Variants in SPNS3 observed in about 807,000 individuals in gnomAD.
The protein encoded by SPNS3 is SPNS lysolipid transporter 3, sphingosine-1-phosphate (putative).
SPNS3 carries 51 observed loss-of-function variants against 54.4 expected under a neutral mutation model. That is an observed-to-expected ratio of 0.94 (90% CI 0.75 to 1.18). The LOEUF (loss-of-function observed/expected upper bound fraction) is 1.18, where lower values mean the gene tolerates loss of function less well. Among genes scored for constraint, SPNS3 ranks in the 50% most tolerant of loss-of-function variants. The pLI, the probability that SPNS3 is intolerant of heterozygous loss-of-function variation, is 0.00. For synonymous variants in SPNS3, 309 were observed against 294.7 expected (o/e 1.05, Z -0.50); for missense variants, 669 against 677.4 (o/e 0.99, Z 0.14).
chr17:4,437,590 C>T (rs975100339), intron 1 of SPNS3, among the ~76,000 whole-genome samples: 5 of 151,680 alleles, frequency 3.3e-5, no homozygotes, highest in Non-Finnish European at 7.4e-5. Flanking sequence ...TTGCCTGAAC[C>T]CAGGAGGCAG....
chr17:4,455,665 C>T (rs115270042), intron 8 of SPNS3, among the ~76,000 whole-genome samples: 1 of 152,064 alleles, frequency 6.6e-6, no homozygotes, highest in African/African-American at 2.4e-5. Flanking sequence ...GAGGCCTCCC[C>T]CACTGCCGCC....
At chr17:4,443,876 G>A (rs1359101639) in intron 2 of SPNS3, among the ~76,000 whole-genome samples, 4 of 152,246 alleles carry the variant, frequency 2.6e-5, no homozygotes, top group South Asian at 2.1e-4. Context: ...CGAGGTGGGC[G>A]GATCCCTTGA....
rs753896781 is a variant in SPNS3 at position 4,433,980 on chromosome 17, A to T, written c.13A>T (p.Met5Leu). ...GCTGCAGGCTGGCATGGCTGGGGGGATGTCAGCGGAGTGCCCTGAGCCTGG... is the reference window on the plus strand; with the variant it reads ...GCTGCAGGCTGGCATGGCTGGGGGGTTGTCAGCGGAGTGCCCTGAGCCTGG... MAGG[M>L]SAECPEPGPG... is the part of the protein sequence containing the mutation. The change falls in exon 1 of 12, where the codon ATG becomes TTG. Residue 5 changes from methionine (M) to leucine (L), a missense_variant. Physicochemically the swap from Met to Leu is conservative, Grantham distance 15. Transcript: ENST00000355530. The T allele has an allele frequency of 6.5e-6, 10 of 1,538,256 alleles. No homozygotes were observed.
At chr17:4,484,464 G>A (rs1212757165) in intron 9 of SPNS3, among the ~76,000 whole-genome samples, 3 of 152,098 alleles carry the variant, frequency 2.0e-5, no homozygotes, top group Non-Finnish European at 4.4e-5. Context: ...GGGATTATAG[G>A]CACGCGCCAC....
At chr17:4,480,819 A>G (rs1008630763) in intron 9 of SPNS3, among the ~76,000 whole-genome samples, 5 of 80,016 alleles carry the variant, frequency 6.2e-5, no homozygotes, top group South Asian at 4.6e-4. Context: ...TCCAGCCACA[A>G]TGCTTTGCAC....
At chr17:4,455,367 G>T (rs554316671) in intron 8 of SPNS3, among the ~76,000 whole-genome samples, 9 of 152,306 alleles carry the variant, frequency 5.9e-5, no homozygotes, top group Non-Finnish European at 1.0e-4. Context: ...AGCAGGCAAG[G>T]AAGGATGACT....
In SPNS3 at chr17:4,446,150, C is replaced by T. The variant is rs779176728; in HGVS notation, c.505C>T (p.Gln169Ter). Residue 169 changes from glutamine to a stop codon, truncating the protein, a stop_gained, in exon 4 of 12, where the codon CAG (glutamine) becomes TAG (stop). Coordinates refer to ENST00000355530, the MANE Select transcript of SPNS3 (RefSeq NM_182538.5). LOFTEE classifies it high-confidence loss of function. ...CCTGGGCGACCTCTTCGTGAGGGAC[C>T]AGCGCACCCGCGTGCTGGCTGTCTT... ...TVLGDLFVRDQRTRVLAVFYI... is the reference protein window; with the variant it reads ...TVLGDLFVRD The T allele has an allele frequency of 3.7e-6, 6 of 1,613,444 alleles. No homozygotes were observed. The highest frequency in any genetic ancestry group is 1.7e-5 in the Admixed American group (1 of 59,982).
intron 2 of SPNS3, 48 bp downstream of exon 2, chr17:4,439,771 G>C: frequency 6.5e-7 from 1 of 1,547,606 alleles, no homozygotes; most frequent in Non-Finnish European, 8.8e-7. Flanking sequence ...GTTCATGCTG[G>C]GGTGGGCTCT....
chr17:4,478,081 C>G (rs1972056982), intron 8 of SPNS3, among the ~76,000 whole-genome samples: 1 of 147,678 alleles, frequency 6.8e-6, no homozygotes, highest in South Asian at 2.1e-4. Flanking sequence ...AAGCTATTCT[C>G]CTGCCTCAGC....
In SPNS3 at chr17:4,439,361, G is replaced by C. The variant is rs112789412; in HGVS notation, c.200-297G>C. On this transcript the variant is annotated intron_variant, in intron 1 of 11. Transcript: ENST00000355530. ...GGCTGGTCTCAAGCTCCTGACCTCA[G>C]GTGATCCGCCAGCCTTGGCCTCCCA... 4.6e-3 allele frequency among the ~76,000 whole-genome samples: 696 copies of C among 152,292 alleles called. 8 individuals are homozygous for C. Among genetic ancestry groups the C allele is most frequent in the African/African-American group, 0.015 (609 of 41,574 alleles).
At chr17:4,459,147 T>C (rs1031738550) in intron 8 of SPNS3, among the ~76,000 whole-genome samples, 1 of 152,154 alleles carries the variant, frequency 6.6e-6, no homozygotes, top group African/African-American at 2.4e-5. Context: ...CCTCTCTCCC[T>C]TAGTACGCCC....
At chr17:4,447,053 A>T in intron 5 of SPNS3, 91 bp downstream of exon 5, 1 of 1,385,454 alleles carries the variant, frequency 7.2e-7, no homozygotes, top group Non-Finnish European at 9.9e-7. Flanking sequence ...TTGGCGTAGC[A>T]CCCGGCGCCA....
intron 7 of SPNS3, 117 bp downstream of exon 7, chr17:4,449,504 T>G (rs7210204): frequency 0.84 from 1,052,476 of 1,252,242 alleles, 450,526 homozygotes; most frequent in Non-Finnish European, 0.88. Flanking sequence ...TGGTGCTGTG[T>G]GAAGACAGTG....
intron 8 of SPNS3, among the ~76,000 whole-genome samples, chr17:4,461,159 T>C (rs1376437348): frequency 6.6e-6 from 1 of 151,986 alleles, no homozygotes; most frequent in Non-Finnish European, 1.5e-5. Flanking sequence ...TATATAACAG[T>C]TCCTTCTAAT....
intron 8 of SPNS3, 118 bp downstream of exon 8, chr17:4,453,323 T>A: frequency 2.1e-6 from 2 of 950,164 alleles, no homozygotes; most frequent in South Asian, 1.7e-5. Context: ...TCCTTCTGAG[T>A]AGAGCTTGTT....
intron 2 of SPNS3, among the ~76,000 whole-genome samples, chr17:4,441,940 G>A (rs1460086713): frequency 6.7e-6 from 1 of 148,958 alleles, no homozygotes; most frequent in Non-Finnish European, 1.5e-5. Context: ...TCTTACCGTA[G>A]TGGTCAAGAT....
intron 2 of SPNS3, among the ~76,000 whole-genome samples, chr17:4,444,745 C>A (rs897429767): frequency 2.0e-5 from 3 of 152,202 alleles, no homozygotes; most frequent in African/African-American, 7.2e-5. Flanking sequence ...CCTTCACCAT[C>A]CTGGGAGAGG....
chr17:4,449,473 A>C lies in SPNS3; in HGVS notation c.923+86A>C, dbSNP rs1971099654. ...TCTGAGGTTCTGAGCTCCAAAATTC[A>C]GTTTCTTGGGGTGGGGCATTTGGTG... On this transcript the variant is annotated intron_variant, in intron 7 of 11. Coordinates refer to ENST00000355530, the MANE Select transcript of SPNS3 (RefSeq NM_182538.5). The C allele has an allele frequency of 4.2e-6, 6 of 1,429,762 alleles. No homozygotes were observed. The Admixed American group carries it at 1.1e-4, about 27-fold the overall frequency. 88.6% of individuals were successfully genotyped at this position (1,429,762 alleles called of 1,614,324 possible).
chr17:4,487,161 C>T (rs1972342516), intron 11 of SPNS3, among the ~76,000 whole-genome samples: 1 of 109,462 alleles, frequency 9.1e-6, no homozygotes. Flanking sequence ...GACAGCAAGA[C>T]TGTCTCAAAA....
Sources: allele counts gnomAD v4.1 joint callset (sites outside exome capture counted in the v4.1 genomes callset), GRCh38; gene constraint gnomAD v4.1.1; transcripts MANE v1.5; gene names NCBI Gene and HGNC (gene_info 2026-07-23, HGNC 2026-07-21).